Variants in FNDC3A observed in about 807,000 individuals in gnomAD.
FNDC3A encodes the protein fibronectin type III domain containing 3A.
A neutral mutation model predicts 148.9 loss-of-function variants in FNDC3A; 32 were observed. The observed-to-expected ratio is 0.21, with a 90% confidence interval of 0.16 to 0.29. The LOEUF (loss-of-function observed/expected upper bound fraction) is 0.29, where lower values mean the gene tolerates loss of function less well. Among genes scored for constraint, FNDC3A ranks in the 10% least tolerant of loss-of-function variants. The pLI, the probability that FNDC3A is intolerant of heterozygous loss-of-function variation, is 1.00. For missense variants in FNDC3A, 1,191 were observed against 1,452.8 expected, an observed-to-expected ratio of 0.82 and a Z score of 2.93; for synonymous variants, 472 against 473.6, an observed-to-expected ratio of 1.00 and a Z score of 0.04.
At chr13:49,058,619 G>A (rs1337211301) in intron 2 of FNDC3A, among the ~76,000 whole-genome samples, 1 of 152,178 alleles carries the variant, frequency 6.6e-6, no homozygotes, top group Non-Finnish European at 1.5e-5. Flanking sequence ...AAGCCAAACA[G>A]AAAGGACCCA....
intron 13 of FNDC3A, 30 bp from the exon 14 acceptor site, chr13:49,178,538 G>A (rs192148552): frequency 2.7e-5 from 36 of 1,339,338 alleles, no homozygotes; most frequent in East Asian, 4.7e-5. Context: ...GTTAGACATC[G>A]AATGAAGACT....
chr13:49,127,132 GGGATACT>G (rs1434454952), intron 4 of FNDC3A, among the ~76,000 whole-genome samples: 1 of 152,124 alleles, frequency 6.6e-6, no homozygotes, highest in Non-Finnish European at 1.5e-5. Context: ...TTCCCCCACT[GGGATACT>G]GGAACCCATC....
At chr13:49,089,519 A>G (rs960578564) in intron 3 of FNDC3A, among the ~76,000 whole-genome samples, 1 of 152,230 alleles carries the variant, frequency 6.6e-6, no homozygotes, top group Non-Finnish European at 1.5e-5. Context: ...GATTTGAAGC[A>G]TGAGATGGAA....
intron 4 of FNDC3A, among the ~76,000 whole-genome samples, chr13:49,126,845 T>TA (rs1339497559): frequency 7.2e-5 from 11 of 152,200 alleles, no homozygotes; most frequent in Non-Finnish European, 1.5e-4. Context: ...GAGTAAGACA[T>TA]ATGCATCTGG....
Position 49,006,308 on chromosome 13 carries a change from T to G in FNDC3A, c.99+19T>G, listed in dbSNP as rs753715072. On this transcript the variant is annotated intron_variant, in intron 2 of 25. Coordinates refer to ENST00000492622, the MANE Select transcript of FNDC3A (RefSeq NM_001079673.2). ...ACAACAGGTAAGAAAACTGAAATGT[T>G]TATTTCTTTATGTCTAATACACATG... 60 of 1,391,182 alleles carry G rather than the reference T, an allele frequency of 4.3e-5. No homozygotes were observed. Among genetic ancestry groups the G allele is most frequent in the Non-Finnish European group, 7.1e-6 (7 of 980,934 alleles). 86.2% of individuals were successfully genotyped at this position (1,391,182 alleles called of 1,614,324 possible). A position where few individuals can be genotyped will look rare whatever the true frequency, so the allele number is the denominator to read the frequency against.
At chr13:49,071,115 G>T (rs1000760367) in intron 2 of FNDC3A, among the ~76,000 whole-genome samples, 1 of 141,950 alleles carries the variant, frequency 7.0e-6, no homozygotes, top group Non-Finnish European at 1.5e-5. Context: ...GCCCAGGTTG[G>T]CCTTGCGCTC....
intron 7 of FNDC3A, among the ~76,000 whole-genome samples, chr13:49,141,751 T>G (rs1303184476): frequency 2.6e-5 from 4 of 152,334 alleles, no homozygotes; most frequent in Admixed American, 6.5e-5. Flanking sequence ...GATCACAATC[T>G]GCCTCAAAAA....
chr13:49,192,358 G>A (rs1885929870), intron 19 of FNDC3A, among the ~76,000 whole-genome samples: 4 of 152,140 alleles, frequency 2.6e-5, no homozygotes, highest in Admixed American at 2.0e-4. Context: ...GCAGTGGTGT[G>A]ATCTTGGCTC....
In FNDC3A at chr13:49,185,894, A is replaced by G. The variant is rs906780423; in HGVS notation, c.1618-70A>G. 16 of 1,226,372 alleles carry G rather than the reference A, an allele frequency of 1.3e-5. No individual in the cohort carries two copies. In the African/African-American group the frequency reaches 2.0e-4, roughly 15 times the overall value. 76.0% of individuals were successfully genotyped at this position (1,226,372 alleles called of 1,614,324 possible). On this transcript the variant is annotated intron_variant, in intron 14 of 25. Coordinates refer to ENST00000492622, the MANE Select transcript of FNDC3A (RefSeq NM_001079673.2). Reference sequence around the variant, plus strand: ...TGGTTGAAGCTGTTTGTCTCCTATCACTTTGTTTATTAAGCCAGTATCATT... The same window carrying G: ...TGGTTGAAGCTGTTTGTCTCCTATCGCTTTGTTTATTAAGCCAGTATCATT...
chr13:49,033,727 C>G (rs1874292353), intron 2 of FNDC3A, among the ~76,000 whole-genome samples: 1 of 151,542 alleles, frequency 6.6e-6, no homozygotes, highest in African/African-American at 2.4e-5. Flanking sequence ...TTTAATACAT[C>G]AGTCATATTT....
In FNDC3A at chr13:49,023,323, A is replaced by G. The variant is rs574219201; in HGVS notation, c.99+17034A>G. On this transcript the variant is annotated intron_variant, in intron 2 of 25. Transcript: ENST00000492622. ...CAATAAAACAAAAATTGGGCAAATT[A>G]TTTTATTTAGTTGAAAAATTATTTC... 4.6e-5 allele frequency among the ~76,000 whole-genome samples: 7 copies of G among 152,004 alleles called. No homozygotes were observed. The South Asian group carries it at 1.4e-3, about 31-fold the overall frequency.
upstream of FNDC3A, chr13:48,975,843 G>T (rs1474705644): frequency 6.6e-6 from 1 of 151,484 alleles, no homozygotes; most frequent in Non-Finnish European, 1.5e-5. Flanking sequence ...GGGGGTTCGG[G>T]GTCCCGGCCG....
intron 1 of FNDC3A, among the ~76,000 whole-genome samples, chr13:48,985,020 A>G (rs1180755506): frequency 6.6e-6 from 1 of 152,208 alleles, no homozygotes; most frequent in African/African-American, 2.4e-5. Flanking sequence ...AAATAAAATG[A>G]CAAAACTTTT....
At chr13:48,977,988 A>G (rs1289446533) in intron 1 of FNDC3A, among the ~76,000 whole-genome samples, 2 of 152,078 alleles carry the variant, frequency 1.3e-5, no homozygotes, top group Non-Finnish European at 2.9e-5. Flanking sequence ...AAATCATTGA[A>G]TGCTCCGGAA....
At chr13:49,158,651 T>C (rs572723614) in intron 8 of FNDC3A, among the ~76,000 whole-genome samples, 98 of 152,366 alleles carry the variant, frequency 6.4e-4, no homozygotes, top group African/African-American at 2.2e-3. Flanking sequence ...TTTTGGCTTT[T>C]GTTGCCATTG....
At chr13:49,166,425 T>A (rs1884465740) in intron 8 of FNDC3A, among the ~76,000 whole-genome samples, 1 of 152,134 alleles carries the variant, frequency 6.6e-6, no homozygotes, top group Non-Finnish European at 1.5e-5. Flanking sequence ...ATGTGGGGAC[T>A]GTAGGGCTTG....
intron 3 of FNDC3A, 61 bp downstream of exon 3, chr13:49,075,425 C>T (rs567497428): frequency 1.1e-6 from 1 of 935,994 alleles, no homozygotes; most frequent in Non-Finnish European, 1.7e-6. Flanking sequence ...ATTTATGATA[C>T]ATAATAGTGT....
At chr13:49,180,251 TTTAA>T (rs1391668893) in intron 14 of FNDC3A, among the ~76,000 whole-genome samples, 1 of 152,234 alleles carries the variant, frequency 6.6e-6, no homozygotes, top group African/African-American at 2.4e-5. Flanking sequence ...CCAGTGCTTA[TTTAA>T]TCAAACCATT....
At chr13:49,055,167 G>A (rs1376657817) in intron 2 of FNDC3A, among the ~76,000 whole-genome samples, 2 of 151,432 alleles carry the variant, frequency 1.3e-5, no homozygotes, top group East Asian at 1.9e-4. Flanking sequence ...GCGGTGTCAC[G>A]TTCGTGGCTC....
Sources: allele counts gnomAD v4.1 joint callset (sites outside exome capture counted in the v4.1 genomes callset), GRCh38; gene constraint gnomAD v4.1.1; transcripts MANE v1.5; gene names NCBI Gene and HGNC (gene_info 2026-07-23, HGNC 2026-07-21).